The following PROS1 variants were observed in gnomAD, a reference collection of about 807,000 sequenced individuals.
PROS1 encodes protein S, also known as vitamin K-dependent protein S.
A neutral mutation model predicts 75.9 loss-of-function variants in PROS1; 29 were observed. The ratio of observed to expected loss-of-function variants is 0.38; its 90% confidence interval spans 0.28 to 0.52. The LOEUF is 0.52. PROS1 is among the 20% of genes least tolerant of loss of function. The pLI is 0.83. For synonymous variants in PROS1, 245 were observed against 280.6 expected, an observed-to-expected ratio of 0.87 and a Z score of 1.27; for missense variants, 680 against 810.3, an observed-to-expected ratio of 0.84 and a Z score of 1.95.
intron 1 of PROS1, among the ~76,000 whole-genome samples, chr3:93,952,773 A>C (rs937650616): frequency 1.3e-5 from 2 of 152,216 alleles, no homozygotes; most frequent in Non-Finnish European, 2.9e-5. Flanking sequence ...CCCTTCAAAA[A>C]ATCAGTGAAT....
Position 93,970,514 on chromosome 3 carries a change from A to T in PROS1, c.76+3160T>A, listed in dbSNP as rs577358028. ...ACACATCCGGCTAATTTTTTTTTTTAATTTCTTTTGTAAAGACGGGGTCCC... is the reference window on the plus strand; with the variant it reads ...ACACATCCGGCTAATTTTTTTTTTTTATTTCTTTTGTAAAGACGGGGTCCC... On this transcript the variant is annotated intron_variant, in intron 1 of 14. Coordinates refer to ENST00000394236, the MANE Select transcript of PROS1 (RefSeq NM_000313.4). 3.6e-3 allele frequency among the ~76,000 whole-genome samples: 542 copies of T among 150,604 alleles called. 2 individuals carry two copies. Among genetic ancestry groups the T allele is most frequent in the African/African-American group, 0.013 (515 of 40,972 alleles).
intron 3 of PROS1, among the ~76,000 whole-genome samples, chr3:93,918,773 T>TA (rs1254633985): frequency 6.6e-6 from 1 of 152,164 alleles, no homozygotes; most frequent in Non-Finnish European, 1.5e-5. Flanking sequence ...CTCGAACTCC[T>TA]AACCTCAAGT....
At chr3:93,910,563 T>C (rs1708744616) in intron 4 of PROS1, 56 bp downstream of exon 4, 2 of 1,384,262 alleles carry the variant, frequency 1.4e-6, no homozygotes, top group Non-Finnish European at 2.0e-6. Flanking sequence ...ACCATGGGTG[T>C]ACTTTACCTA....
intron 12 of PROS1, among the ~76,000 whole-genome samples, chr3:93,882,362 G>C (rs945802903): frequency 6.6e-6 from 1 of 152,080 alleles, no homozygotes; most frequent in African/African-American, 2.4e-5. Context: ...AAAAACCTAG[G>C]GTCAGTATGG....
chr3:93,943,436 C>A (rs940368608), intron 1 of PROS1, among the ~76,000 whole-genome samples: 5 of 152,060 alleles, frequency 3.3e-5, no homozygotes, highest in African/African-American at 1.2e-4. Context: ...GTATCCAGGC[C>A]ATCACCAACC....
At chr3:93,896,432 G>C (rs1488413997) in intron 9 of PROS1, 144 bp downstream of exon 9, 1 of 724,446 alleles carries the variant, frequency 1.4e-6, no homozygotes, top group Non-Finnish European at 2.5e-6. Flanking sequence ...TTAACTTTAG[G>C]TTTCCCCAAG....
intron 14 of PROS1, among the ~76,000 whole-genome samples, chr3:93,876,012 C>T (rs1708181958): frequency 6.6e-6 from 1 of 152,176 alleles, no homozygotes; most frequent in Non-Finnish European, 1.5e-5. Context: ...GAATCTCCAT[C>T]CATGCAACTG....
intron 9 of PROS1, among the ~76,000 whole-genome samples, chr3:93,893,415 G>A (rs1261172417): frequency 6.6e-6 from 1 of 152,054 alleles, no homozygotes; most frequent in East Asian, 1.9e-4. Context: ...TATTTTGATA[G>A]CACCTTCCAA....
chr3:93,906,256 A>C (rs1708674305), intron 4 of PROS1, 113 bp from the exon 5 acceptor site: 2 of 1,114,888 alleles, frequency 1.8e-6, no homozygotes, highest in Non-Finnish European at 2.6e-6. Flanking sequence ...AAAAACACAC[A>C]ACTCCTTTCT....
At chr3:93,962,092 T>C (rs1576219037) in intron 1 of PROS1, among the ~76,000 whole-genome samples, 1 of 152,058 alleles carries the variant, frequency 6.6e-6, no homozygotes, top group African/African-American at 2.4e-5. Context: ...TCAAACATGC[T>C]GGTGGGAGGG....
chr3:93,936,796 C>T (rs562371550), intron 1 of PROS1, among the ~76,000 whole-genome samples: 6 of 152,268 alleles, frequency 3.9e-5, no homozygotes, highest in African/African-American at 1.2e-4. Context: ...CAAAGTGATG[C>T]TTATGGTTAA....
chr3:93,891,302 A>T (rs1347655656), intron 10 of PROS1, among the ~76,000 whole-genome samples: 2 of 152,112 alleles, frequency 1.3e-5, no homozygotes, highest in Non-Finnish European at 2.9e-5. Context: ...ACTTCTCCCC[A>T]CTATCAACTA....
At position 93,945,001 on chromosome 3, in the gene PROS1, C is replaced by T. The variant is rs1219977384; in HGVS notation, c.77-17594G>A. On this transcript the variant is annotated intron_variant, in intron 1 of 14. Coordinates refer to ENST00000394236, the MANE Select transcript of PROS1 (RefSeq NM_000313.4). ...AAAGGGGATAACACCACCGATCCCACAGAAATACAAACTACCATCAGAGAA... is the reference window on the plus strand; with the variant it reads ...AAAGGGGATAACACCACCGATCCCATAGAAATACAAACTACCATCAGAGAA... Among the ~76,000 whole-genome samples, 6 of 152,256 alleles carry T rather than the reference C, an allele frequency of 3.9e-5. No homozygotes were observed. The East Asian group carries it at 1.2e-3, about 29-fold the overall frequency.
chr3:93,885,936 T>C lies in PROS1; in HGVS notation c.1323+400A>G, dbSNP rs1559929947. ...CTAAAAATAGACTTGAGAAAGTCCT[T>C]TGACTGGCTTTTACAAAATGGTGTA... On this transcript the variant is annotated intron_variant, in intron 11 of 14. Transcript: ENST00000394236. Among the ~76,000 whole-genome samples, 4 of 152,200 alleles carry C rather than the reference T, an allele frequency of 2.6e-5. No homozygotes were observed. The South Asian group carries it at 6.2e-4, about 24-fold the overall frequency.
intron 1 of PROS1, among the ~76,000 whole-genome samples, chr3:93,928,192 A>C (rs185106065): frequency 1.2e-3 from 174 of 149,310 alleles, no homozygotes; most frequent in African/African-American, 3.2e-3. Context: ...TTAATTGTTC[A>C]TGGTGGTATG....
intron 1 of PROS1, among the ~76,000 whole-genome samples, chr3:93,933,769 C>T (rs527779445): frequency 2.0e-5 from 3 of 152,032 alleles, no homozygotes; most frequent in African/African-American, 7.2e-5. Context: ...ACTAAAAATA[C>T]AAAATTTAGC....
chr3:93,886,262 A>C, intron 11 of PROS1, 74 bp downstream of exon 11: 1 of 1,363,980 alleles, frequency 7.3e-7, no homozygotes, highest in Non-Finnish European at 1.0e-6. Flanking sequence ...TGATTCTCAG[A>C]AACACACATA....
chr3:93,948,156 A>G (rs1709435511), intron 1 of PROS1, among the ~76,000 whole-genome samples: 1 of 152,226 alleles, frequency 6.6e-6, no homozygotes, highest in African/African-American at 2.4e-5. Flanking sequence ...TACAGTTAAT[A>G]GCATGGAAGA....
intron 10 of PROS1, among the ~76,000 whole-genome samples, chr3:93,892,395 C>A (rs1264676075): frequency 6.6e-6 from 1 of 151,586 alleles, no homozygotes; most frequent in African/African-American, 2.4e-5. Flanking sequence ...GAGGCCAAGG[C>A]AAGTGGATCA....
Sources: gnomAD v4.1 joint callset for allele counts (sites outside exome capture counted in the v4.1 genomes callset) on GRCh38, gnomAD v4.1.1 for gene constraint, MANE v1.5 for transcripts, NCBI Gene and HGNC (gene_info 2026-07-23, HGNC 2026-07-21) for gene names.